The following ZFYVE9 variants were observed in gnomAD, a reference collection of about 807,000 sequenced individuals.
ZFYVE9 encodes zinc finger FYVE domain-containing protein 9.
In ZFYVE9, 43 loss-of-function variants were observed where a neutral mutation model predicts 126.7. The ratio of observed to expected loss-of-function variants is 0.34; its 90% CI spans 0.27 to 0.44. The LOEUF (loss-of-function observed/expected upper bound fraction) is 0.44. ZFYVE9 is among the 20% of genes least tolerant of loss of function. The probability of loss-of-function intolerance (pLI) is 1.00; values close to 1 mark genes in which losing one functional copy is unlikely to be tolerated. For missense variants in ZFYVE9, 1,476 were observed against 1,697.0 expected, an observed-to-expected ratio of 0.87 and a Z score of 2.29; for synonymous variants, 521 against 597.4, an observed-to-expected ratio of 0.87 and a Z score of 1.87.
At chr1:52,324,221 C>G (rs1423018196) in intron 13 of ZFYVE9, among the ~76,000 whole-genome samples, 3 of 151,096 alleles carry the variant, frequency 2.0e-5, no homozygotes, top group Non-Finnish European at 4.4e-5. Flanking sequence ...TGCACTCCAG[C>G]CGGGGCAACA....
At position 52,340,241 on chromosome 1, in the gene ZFYVE9, T is replaced by TG. The variant is rs1557527847; in HGVS notation, c.3939+11dup. On this transcript the variant is annotated intron_variant, in intron 17 of 18. Transcript: ENST00000287727. ...AATCAGATGGACAGAGGTAAGGAAA[T>TG]GAAACTTGGCATACTTGACCCACTT... 1.9e-6 allele frequency: 3 copies of TG among 1,608,160 alleles called. No homozygotes were observed. The African/African-American group carries it at 4.0e-5, about 21-fold the overall frequency.
chr1:52,218,952 A>G (rs760071356), intron 2 of ZFYVE9, among the ~76,000 whole-genome samples: 3 of 152,088 alleles, frequency 2.0e-5, no homozygotes, highest in African/African-American at 2.4e-5. Context: ...AATAGAGAGA[A>G]GTACTGGGTT....
chr1:52,213,037 C>T (rs1185733928), intron 1 of ZFYVE9, among the ~76,000 whole-genome samples: 1 of 152,058 alleles, frequency 6.6e-6, no homozygotes, highest in Non-Finnish European at 1.5e-5. Flanking sequence ...TTCTTTTGTT[C>T]CTTCCAAAAA....
chr1:52,207,898 T>G (rs1253263088), intron 1 of ZFYVE9, among the ~76,000 whole-genome samples: 1 of 152,242 alleles, frequency 6.6e-6, no homozygotes, highest in African/African-American at 2.4e-5. Flanking sequence ...ATCAGGTCTG[T>G]GCAAGGCACT....
At chr1:52,150,839 G>C (rs1185248760) in intron 1 of ZFYVE9, among the ~76,000 whole-genome samples, 1 of 151,702 alleles carries the variant, frequency 6.6e-6, no homozygotes, top group Non-Finnish European at 1.5e-5. Flanking sequence ...ACCCTGTCAG[G>C]ATTTATACAA....
chr1:52,203,273 C>T (rs1644941781), intron 1 of ZFYVE9, among the ~76,000 whole-genome samples: 1 of 151,978 alleles, frequency 6.6e-6, no homozygotes, highest in Admixed American at 6.6e-5. Context: ...CCTCCACCTC[C>T]CAGGCTCAAG....
rs570645516 is a variant in ZFYVE9, at chr1:52,142,961, C to T, written c.-143+558C>T. ...CTTGCTCGAGAACAACCTTTTGCGT[C>T]TTATTTGAGGTGAAATTTCATCACC... On this transcript the variant is annotated intron_variant, in intron 1 of 18. Coordinates refer to ENST00000287727, the MANE Select transcript of ZFYVE9 (RefSeq NM_004799.4). This position sits in a 1 kb window ranked among gnomAD's most constrained non-coding sequence, Gnocchi z 4.5. Among the ~76,000 whole-genome samples the T allele has an allele frequency of 6.6e-6, 1 of 152,102 alleles. No homozygotes were observed. The highest frequency in any genetic ancestry group is 2.1e-4 in the South Asian group (1 of 4,826).
At chr1:52,332,313 G>T (rs941136108) in intron 13 of ZFYVE9, among the ~76,000 whole-genome samples, 2 of 151,832 alleles carry the variant, frequency 1.3e-5, no homozygotes, top group Non-Finnish European at 2.9e-5. Context: ...GTAAAATTAA[G>T]AAACAATTTG....
intron 2 of ZFYVE9, among the ~76,000 whole-genome samples, chr1:52,229,937 G>A (rs983804587): frequency 3.6e-4 from 54 of 149,288 alleles, no homozygotes; most frequent in African/African-American, 1.2e-3. Context: ...GTGTGATCTC[G>A]GCTCACTGCA....
intron 1 of ZFYVE9, among the ~76,000 whole-genome samples, chr1:52,151,690 TA>T (rs1376691035): frequency 6.6e-6 from 1 of 151,818 alleles, no homozygotes; most frequent in African/African-American, 2.4e-5. Flanking sequence ...TAATTTTTTG[TA>T]TTTTTAGTAG....
In ZFYVE9 at chr1:52,310,949, G is replaced by T. The variant is rs546738516; in HGVS notation, c.3438+7024G>T. On this transcript the variant is annotated intron_variant, in intron 13 of 18. Transcript: ENST00000287727. ...GCAGTGGTGTAATCGTAGCTCACTGGTAGCCTCCTGGGATCAAGGGATTCC... is the reference window on the plus strand; with the variant it reads ...GCAGTGGTGTAATCGTAGCTCACTGTTAGCCTCCTGGGATCAAGGGATTCC... Among the ~76,000 whole-genome samples, 3 of 152,198 alleles carry T rather than the reference G, an allele frequency of 2.0e-5. No homozygotes were observed. In the East Asian group the frequency reaches 5.8e-4, roughly 29 times the overall value.
At chr1:52,335,381 G>T (rs1387306309) in intron 15 of ZFYVE9, among the ~76,000 whole-genome samples, 1 of 152,174 alleles carries the variant, frequency 6.6e-6, no homozygotes. Flanking sequence ...TGGAGTCTTA[G>T]TTGGGATCAC....
chr1:52,306,455 A>G lies in ZFYVE9; in HGVS notation c.3438+2530A>G, dbSNP rs183350191. Among the ~76,000 whole-genome samples, 327 of 152,308 alleles carry G rather than the reference A, an allele frequency of 2.1e-3. 1 individual carries two copies. The highest frequency in any genetic ancestry group is 7.1e-3 in the African/African-American group (297 of 41,566). On this transcript the variant is annotated intron_variant, in intron 13 of 18. Transcript: ENST00000287727. The stretch of plus-strand genomic sequence containing the variant: ...CAGGCCCTCCTCTATTACGTCACTC[A>G]TAAAGCTCCTCTTCACTTTGCTCAC...
Position 52,216,420 on chromosome 1 carries a change from A to C in ZFYVE9, c.-91A>C, listed in dbSNP as rs1645072796. The C allele has an allele frequency of 2.5e-6, 1 of 398,434 alleles. No homozygotes were observed. Among genetic ancestry groups the C allele is most frequent in the Admixed American group, 4.4e-5 (1 of 22,708 alleles). 24.7% of individuals were successfully genotyped at this position (398,434 alleles called of 1,614,324 possible). On this transcript the variant is annotated 5_prime_UTR_variant, in exon 2 of 19. Transcript: ENST00000287727. ...AGGACTGGCTGGTGGTGCAGCAGAC[A>C]TCATGAGTAAGCACCGAGAAGTCTG...
intron 1 of ZFYVE9, among the ~76,000 whole-genome samples, chr1:52,206,722 G>A (rs1644981218): frequency 6.6e-6 from 1 of 152,088 alleles, no homozygotes; most frequent in Non-Finnish European, 1.5e-5. Context: ...GCTAATTTTT[G>A]TATTTTTAGC....
At position 52,330,100 on chromosome 1, in the gene ZFYVE9, C is replaced by G. The variant is rs117835029; in HGVS notation, c.3439-2668C>G. On this transcript the variant is annotated intron_variant, in intron 13 of 18. Transcript: ENST00000287727. Reference sequence around the variant, plus strand: ...CAACCCAGTTAAAAAATGGGCAGGCCAGGTGCGATGGCTCACGCCTATAAT... The same window carrying G: ...CAACCCAGTTAAAAAATGGGCAGGCGAGGTGCGATGGCTCACGCCTATAAT... Among the ~76,000 whole-genome samples the G allele has an allele frequency of 9.3e-3, 1,412 of 152,194 alleles. 66 individuals carry two copies. In the East Asian group the frequency reaches 0.12, roughly 13 times the overall value.
intron 13 of ZFYVE9, among the ~76,000 whole-genome samples, chr1:52,316,280 G>A (rs944196421): frequency 2.6e-5 from 4 of 151,570 alleles, no homozygotes; most frequent in Non-Finnish European, 5.9e-5. Flanking sequence ...GAGGTCAGGC[G>A]TGTGAGACCA....
chr1:52,186,728 ATAAAG>A (rs1644768749), intron 1 of ZFYVE9, among the ~76,000 whole-genome samples: 1 of 152,232 alleles, frequency 6.6e-6, no homozygotes, highest in Non-Finnish European at 1.5e-5. Context: ...CACAAAAAGA[ATAAAG>A]TATTAATACG....
chr1:52,325,015 C>T (rs1646277362), intron 13 of ZFYVE9, among the ~76,000 whole-genome samples: 1 of 152,206 alleles, frequency 6.6e-6, no homozygotes, highest in South Asian at 2.1e-4. Context: ...CGTGGTGGCT[C>T]ACGCCTGTAA....
Sources: gnomAD v4.1 joint callset for allele counts (sites outside exome capture counted in the v4.1 genomes callset) on GRCh38, gnomAD v4.1.1 for gene constraint, Gnocchi (gnomAD v3.1) non-coding constraint, MANE v1.5 for transcripts, NCBI Gene and HGNC (gene_info 2026-07-23, HGNC 2026-07-21) for gene names.